Variants in CELSR1 observed in about 807,000 individuals in gnomAD.
The protein encoded by CELSR1 is adhesion G protein-coupled receptor C1.
In CELSR1, 110 loss-of-function variants were observed where a neutral mutation model predicts 249.1. The observed-to-expected ratio is 0.44, with a 90% CI of 0.38 to 0.52. The LOEUF is 0.52. Ranked by LOEUF, CELSR1 falls within the 20% of genes least tolerant of loss-of-function variation. The probability of loss-of-function intolerance (pLI) is 0.00; values close to 1 mark genes in which losing one functional copy is unlikely to be tolerated. For missense variants in CELSR1, 4,109 were observed against 4,296.4 expected (o/e 0.96, Z 1.22); for synonymous variants, 2,113 against 1,900.0 (o/e 1.11, Z -2.92).
chr22:46,407,632 CA>C lies in CELSR1; in HGVS notation c.5226+1363del, dbSNP rs1408052461. 2.0e-5 allele frequency among the ~76,000 whole-genome samples: 3 copies of C among 151,156 alleles called. No individual in the cohort carries two copies. Among genetic ancestry groups the C allele is most frequent in the Non-Finnish European group, 2.9e-5 (2 of 67,888 alleles). Reference sequence around the variant, plus strand: ...GGGCAACAAGAGCAAAACTTTATCTCAAAAAAACAAAACAAAACAAAACAAA... The same window carrying C: ...GGGCAACAAGAGCAAAACTTTATCTCAAAAAACAAAACAAAACAAAACAAA... On this transcript the variant is annotated intron_variant, in intron 9 of 34. Transcript: ENST00000674500. This position sits in a 1 kb window ranked among gnomAD's most constrained non-coding sequence, Gnocchi z 4.8.
At chr22:46,439,141 C>A (rs1342510682) in intron 3 of CELSR1, 48 bp downstream of exon 3, 2 of 1,543,924 alleles carry the variant, frequency 1.3e-6, no homozygotes, top group Non-Finnish European at 1.8e-6. Context: ...AGAAGCTCGC[C>A]CCTTTCCTAA....
intron 1 of CELSR1, among the ~76,000 whole-genome samples, chr22:46,522,902 C>G (rs1320651085): frequency 6.6e-6 from 1 of 152,246 alleles, no homozygotes; most frequent in Non-Finnish European, 1.5e-5. Context: ...GTCTCCAATG[C>G]TGGGAGAACA....
chr22:46,415,416 C>T (rs972526681), intron 5 of CELSR1, among the ~76,000 whole-genome samples: 8 of 152,276 alleles, frequency 5.3e-5, no homozygotes, highest in Non-Finnish European at 1.2e-4. Context: ...TCCCGAAGTG[C>T]TGGGATTACA....
At chr22:46,456,740 A>T (rs2079958620) in intron 2 of CELSR1, among the ~76,000 whole-genome samples, 1 of 151,896 alleles carries the variant, frequency 6.6e-6, no homozygotes, top group African/African-American at 2.4e-5. Flanking sequence ...TTTACAACAG[A>T]ATCGCAGAAG....
chr22:46,414,052 A>C (rs2079368378), intron 5 of CELSR1, among the ~76,000 whole-genome samples: 1 of 152,234 alleles, frequency 6.6e-6, no homozygotes, highest in Admixed American at 6.5e-5. Flanking sequence ...GATTCAAGCA[A>C]AAAACAGCAG....
chr22:46,468,304 T>A lies in CELSR1; in HGVS notation c.3545-3959A>T, dbSNP rs1359263161. Among the ~76,000 whole-genome samples, 1 of 151,170 alleles carries A rather than the reference T, an allele frequency of 6.6e-6. No individual in the cohort carries two copies. The highest frequency in any genetic ancestry group is 1.5e-5 in the Non-Finnish European group (1 of 67,932). ...GGGAGGCTGAGGCAGGAGAATCGCT[T>A]GAACCCAAGAGGTGGAGGTTGTGGT... On this transcript the variant is annotated intron_variant, in intron 1 of 34. Transcript: ENST00000674500. This position sits in a 1 kb window ranked among gnomAD's most constrained non-coding sequence, Gnocchi z 4.5.
chr22:46,365,206 G>A (rs759517218), intron 32 of CELSR1, 25 bp downstream of exon 32: 1 of 1,606,540 alleles, frequency 6.2e-7, no homozygotes, highest in Admixed American at 1.7e-5. Flanking sequence ...AGCCCAGCCT[G>A]GCCCAATGTG....
At chr22:46,384,083 C>T (rs1196907579) in intron 20 of CELSR1, among the ~76,000 whole-genome samples, 3 of 151,998 alleles carry the variant, frequency 2.0e-5, no homozygotes, top group Non-Finnish European at 2.9e-5. Context: ...TACAGGCGCC[C>T]GCCACCGCAG....
chr22:46,369,027 C>A, intron 27 of CELSR1, 152 bp downstream of exon 27: 1 of 668,360 alleles, frequency 1.5e-6, no homozygotes, highest in East Asian at 2.7e-5. Flanking sequence ...ACGTGGCAAA[C>A]CTCTCTGGAG....
At position 46,464,019 on chromosome 22, in the gene CELSR1, G is replaced by A; in HGVS notation, c.3871C>T (p.Leu1291=). The A allele has an allele frequency of 6.2e-7, 1 of 1,613,836 alleles. No homozygotes were observed. Among genetic ancestry groups the A allele is most frequent in the African/African-American group, 1.3e-5 (1 of 75,084 alleles). ...ACGCGCTGCGTGGAGATGGTGGTCAGCAGCGTCCGATTCAGGTAGATCTGC... is the reference window on the plus strand; with the variant it reads ...ACGCGCTGCGTGGAGATGGTGGTCAACAGCGTCCGATTCAGGTAGATCTGC... The part of the protein sequence containing the change: ...QEQIYLNRTL[L]TTISTQRVLP... Residue 1291 remains leucine (L), a synonymous_variant, in exon 2 of 35, where the codon CTG becomes TTG. Coordinates refer to ENST00000674500, the MANE Select transcript of CELSR1 (RefSeq NM_001378328.1). The surrounding 1 kb of genome is among the most constrained non-coding windows in gnomAD (Gnocchi z 8.5).
intron 1 of CELSR1, among the ~76,000 whole-genome samples, chr22:46,478,160 G>A (rs1387273845): frequency 6.6e-6 from 1 of 152,226 alleles, no homozygotes; most frequent in Non-Finnish European, 1.5e-5. Flanking sequence ...AGGGCTCCTT[G>A]GCTCAGCACC....
intron 1 of CELSR1, among the ~76,000 whole-genome samples, chr22:46,529,208 G>C (rs558909663): frequency 1.1e-4 from 17 of 151,668 alleles, no homozygotes; most frequent in Non-Finnish European, 2.2e-4. Context: ...GGAGCTTGCA[G>C]TGAGCCGAGA....
rs901365011 is a variant in CELSR1, at chr22:46,517,585, CCT to C, written c.3544+16040_3544+16041del. Among the ~76,000 whole-genome samples, 1 of 152,214 alleles carries C rather than the reference CCT, an allele frequency of 6.6e-6. No homozygotes were observed. Among genetic ancestry groups the C allele is most frequent in the Non-Finnish European group, 1.5e-5 (1 of 68,040 alleles). ...CTGCAGACACGCCGCAAAACACGCC[CCT>C]GAGCTTCCCGTCCTGCACACACAGA... On this transcript the variant is annotated intron_variant, in intron 1 of 34. Transcript: ENST00000674500. This position sits in a 1 kb window ranked among gnomAD's most constrained non-coding sequence, Gnocchi z 5.4.
In CELSR1 at chr22:46,434,894, G is replaced by C. The variant is rs552193324; in HGVS notation, c.4522+1280C>G. Among the ~76,000 whole-genome samples, 7 of 152,220 alleles carry C rather than the reference G, an allele frequency of 4.6e-5. No homozygotes were observed. In the South Asian group the frequency reaches 1.5e-3, roughly 32 times the overall value. The stretch of plus-strand genomic sequence containing the variant: ...TGCCTGTATTCCCAGCTACTGGAGA[G>C]GCTGAGGCATGAGAATCGCTTGAAC... On this transcript the variant is annotated intron_variant, in intron 4 of 34. Transcript: ENST00000674500. The surrounding 1 kb of genome is among the most constrained non-coding windows in gnomAD (Gnocchi z 4.9).
rs536420287 is a variant in CELSR1 at position 46,428,738 on chromosome 22, C to T, written c.4611+4655G>A. Among the ~76,000 whole-genome samples the T allele has an allele frequency of 1.1e-4, 16 of 152,314 alleles. No homozygotes were observed. The highest frequency in any genetic ancestry group is 7.8e-4 in the Admixed American group (12 of 15,298). On this transcript the variant is annotated intron_variant, in intron 5 of 34. Coordinates refer to ENST00000674500, the MANE Select transcript of CELSR1 (RefSeq NM_001378328.1). The surrounding 1 kb of genome is among the most constrained non-coding windows in gnomAD (Gnocchi z 5.7). ...CACCGCCTCCCACATCTGCTTCATG[C>T]GGGATCTCCCAGCAGCTCTGGGCCT...
rs1476683613 is a variant in CELSR1 at position 46,365,286 on chromosome 22, C to G, written c.8499G>C (p.Val2833=). 1 of 1,612,930 alleles carries G rather than the reference C, an allele frequency of 6.2e-7. No homozygotes were observed. ...SHSSDSEDDG[V]GAEEKWDPAR... ...CCGGGTCCCATTTTTCCTCAGCTCC[C>G]ACCCCATCGTCCTCGCTGTCTGACG... Residue 2833 remains valine, a synonymous_variant, in exon 32 of 35, where the codon GTG becomes GTC. Coordinates refer to ENST00000674500, the MANE Select transcript of CELSR1 (RefSeq NM_001378328.1).
In CELSR1 at chr22:46,537,206, A is replaced by T; in HGVS notation, c.-36T>A. Reference sequence around the variant, plus strand: ...CCGAGCCCGAGCCGGGCGCCCGAACACAATCCATGCACCCGGCGCGCCTCC... The same window carrying T: ...CCGAGCCCGAGCCGGGCGCCCGAACTCAATCCATGCACCCGGCGCGCCTCC... On this transcript the variant is annotated 5_prime_UTR_variant, in exon 1 of 35. An upstream open reading frame in the 5' UTR gains an earlier in-frame stop. Coordinates refer to ENST00000674500, the MANE Select transcript of CELSR1 (RefSeq NM_001378328.1). This position sits in a 1 kb window ranked among gnomAD's most constrained non-coding sequence, Gnocchi z 5.8. 9.8e-7 allele frequency: 1 copy of T among 1,016,062 alleles called. No homozygotes were observed. Among genetic ancestry groups the T allele is most frequent in the Non-Finnish European group, 1.2e-6 (1 of 851,950 alleles). 62.9% of individuals were successfully genotyped at this position (1,016,062 alleles called of 1,614,324 possible).
chr22:46,364,268 C>CTGGGAGGA lies in CELSR1; in HGVS notation c.8780-18_8780-17insTCCTCCCA. The stretch of plus-strand genomic sequence containing the variant: ...TCAAGATGCCTGGGAGGAGGAGACA[C>CTGGGAGGA]GGCAAGGTCAAGTCCGGGTGATGCT... On this transcript the variant is annotated splice_polypyrimidine_tract_variant and intron_variant, in intron 33 of 34. Coordinates refer to ENST00000674500, the MANE Select transcript of CELSR1 (RefSeq NM_001378328.1). 6.2e-7 allele frequency: 1 copy of CTGGGAGGA among 1,604,732 alleles called. No homozygotes were observed. Among genetic ancestry groups the CTGGGAGGA allele is most frequent in the Non-Finnish European group, 8.5e-7 (1 of 1,179,108 alleles).
chr22:46,373,048 T>C lies in CELSR1; in HGVS notation c.7594A>G (p.Thr2532Ala). The C allele has an allele frequency of 6.2e-7, 1 of 1,606,832 alleles. No homozygotes were observed. Among genetic ancestry groups the C allele is most frequent in the Non-Finnish European group, 8.5e-7 (1 of 1,176,528 alleles). Residue 2532 changes from threonine to alanine, a missense_variant, in exon 25 of 35, where the codon ACA becomes GCA. By Grantham distance (58) the Thr-to-Ala change is moderately conservative. Around this residue, in one of 7 missense-constraint regions of CELSR1, gnomAD observed 1,805 missense variants for 1,831.6 expected, o/e 0.99. Coordinates refer to ENST00000674500, the MANE Select transcript of CELSR1 (RefSeq NM_001378328.1). ...INQTENPFLC[T>A]VVAILLHYIY... ...TAGTGGAGGAGGATGGCAACCACTG[T>C]GCACAGAAACTGCGCAGGGAGGGGC... is the stretch of plus-strand genomic sequence containing the variant.
Sources: allele counts gnomAD v4.1 joint callset (sites outside exome capture counted in the v4.1 genomes callset), GRCh38; gene constraint gnomAD v4.1.1; regional missense constraint gnomAD v4.1.1; non-coding constraint Gnocchi (gnomAD v3.1); transcripts MANE v1.5; gene names NCBI Gene and HGNC (gene_info 2026-07-23, HGNC 2026-07-21).